The following TOX2 variants were observed in gnomAD, a reference collection of about 807,000 sequenced individuals.
TOX2 encodes the protein granulosa cell HMG box 1.
In TOX2, 15 loss-of-function variants were observed where a neutral mutation model predicts 47.4. That is an observed-to-expected ratio of 0.32 (90% CI 0.21 to 0.49). TOX2 has a LOEUF of 0.49. TOX2 is among the 20% of genes least tolerant of loss of function. TOX2 has a pLI of 0.99. For missense variants in TOX2, 622 were observed against 673.1 expected, an observed-to-expected ratio of 0.92 and a Z score of 0.84; for synonymous variants, 290 against 296.6, an observed-to-expected ratio of 0.98 and a Z score of 0.23.
intron 3 of TOX2, among the ~76,000 whole-genome samples, chr20:44,036,286 C>T (rs929022537): frequency 6.6e-6 from 1 of 152,218 alleles, no homozygotes; most frequent in Admixed American, 6.5e-5. Flanking sequence ...TGAGAGCACA[C>T]TGAGTAGGTG....
At chr20:44,020,383 G>A (rs375960826) in intron 3 of TOX2, among the ~76,000 whole-genome samples, 143 of 152,280 alleles carry the variant, frequency 9.4e-4, no homozygotes, top group African/African-American at 3.3e-3. Context: ...AGGTTGATAG[G>A]TGCAGCAAAC....
chr20:44,051,679 A>T lies in TOX2; in HGVS notation c.651+134A>T. On this transcript the variant is annotated intron_variant, in intron 4 of 8. Coordinates refer to ENST00000341197, the MANE Select transcript of TOX2 (RefSeq NM_001098797.2). ...ATGTCCCAAGGTCCCCGTAGGTGCC[A>T]TTCCCACTGAGCAGGCGTTCCTGGT... The T allele has an allele frequency of 8.2e-6, 11 of 1,343,812 alleles. No homozygotes were observed. The South Asian group carries it at 1.9e-4, about 23-fold the overall frequency. 83.2% of individuals were successfully genotyped at this position (1,343,812 alleles called of 1,614,324 possible).
At position 44,026,251 on chromosome 20, in the gene TOX2, A is replaced by ATATATATATAT. The variant is rs1244142038; in HGVS notation, c.411+19459_411+19460insTATATATATAT. On this transcript the variant is annotated intron_variant, in intron 3 of 8. Transcript: ENST00000341197. Reference sequence around the variant, plus strand: ...GTGATATATATATATATATATATAGACACACACACACACAATGGAATACTA... The same window carrying ATATATATATAT: ...GTGATATATATATATATATATATAGATATATATATATCACACACACACACAATGGAATACTA... 1.8e-4 allele frequency among the ~76,000 whole-genome samples: 12 copies of ATATATATATAT among 65,560 alleles called. 3 individuals carry two copies. The highest frequency in any genetic ancestry group is 3.9e-4 in the Non-Finnish European group (12 of 31,018). The allele number at this position is 65,560 out of a possible 152,430, so 43.0% of individuals were successfully genotyped here.
intron 2 of TOX2, among the ~76,000 whole-genome samples, chr20:43,997,696 C>T (rs915791205): frequency 5.3e-5 from 8 of 152,166 alleles, no homozygotes; most frequent in Non-Finnish European, 7.4e-5. Flanking sequence ...TTTCTACCAT[C>T]TTGAGTTGAG....
intron 2 of TOX2, among the ~76,000 whole-genome samples, chr20:43,989,737 G>A (rs868558119): frequency 8.0e-5 from 12 of 149,728 alleles, no homozygotes; most frequent in South Asian, 4.2e-4. Context: ...GCGAGATCAC[G>A]CCACTGAACT....
At chr20:43,961,158 C>T (rs2145428024) in intron 1 of TOX2, among the ~76,000 whole-genome samples, 1 of 152,368 alleles carries the variant, frequency 6.6e-6, no homozygotes, top group African/African-American at 2.4e-5. Context: ...CCAAGAGTGG[C>T]TATCAGCAAT....
intron 7 of TOX2, 141 bp from the exon 8 acceptor site, chr20:44,066,588 TG>T: frequency 1.5e-6 from 2 of 1,297,180 alleles, no homozygotes; most frequent in Non-Finnish European, 2.2e-6. Context: ...GGTGCTCTAC[TG>T]GGAGCAAGGC....
intron 2 of TOX2, among the ~76,000 whole-genome samples, chr20:43,983,033 G>A (rs1198305499): frequency 1.3e-5 from 2 of 151,886 alleles, no homozygotes; most frequent in Admixed American, 1.3e-4. Context: ...GTGCTCCCTG[G>A]GGAGCTCTCA....
At chr20:43,963,821 A>G (rs923171841) in intron 1 of TOX2, among the ~76,000 whole-genome samples, 4 of 152,206 alleles carry the variant, frequency 2.6e-5, no homozygotes, top group African/African-American at 9.7e-5. Context: ...CAAATTACAT[A>G]CAGTGGGCAC....
At chr20:44,033,296 C>G (rs2145694276) in intron 3 of TOX2, among the ~76,000 whole-genome samples, 1 of 152,050 alleles carries the variant, frequency 6.6e-6, no homozygotes, top group Non-Finnish European at 1.5e-5. Context: ...ACTTGAAGCC[C>G]CAGGACATCT....
At chr20:43,928,540 T>C (rs1263401928) in intron 1 of TOX2, among the ~76,000 whole-genome samples, 1 of 152,320 alleles carries the variant, frequency 6.6e-6, no homozygotes, top group Non-Finnish European at 1.5e-5. Context: ...AAGCACATCA[T>C]TGTGTTTTCT....
At chr20:43,945,063 T>A (rs936273842) in intron 1 of TOX2, among the ~76,000 whole-genome samples, 17 of 152,298 alleles carry the variant, frequency 1.1e-4, no homozygotes, top group Middle Eastern at 3.4e-3. Flanking sequence ...TTTGGCCTGA[T>A]GGCTTCAGAA....
chr20:43,921,647 GTTC>G (rs1275809551), intron 1 of TOX2, among the ~76,000 whole-genome samples: 7 of 151,898 alleles, frequency 4.6e-5, no homozygotes, highest in Non-Finnish European at 7.4e-5. Flanking sequence ...GCCCCGCCAT[GTTC>G]TTCTTCTTCT....
At chr20:44,065,485 T>C (rs2071796851) in intron 6 of TOX2, among the ~76,000 whole-genome samples, 1 of 152,174 alleles carries the variant, frequency 6.6e-6, no homozygotes, top group Non-Finnish European at 1.5e-5. Context: ...GGAGCATGGA[T>C]TCCCCCAAGG....
At chr20:44,041,062 C>T (rs1390324442) in intron 3 of TOX2, among the ~76,000 whole-genome samples, 3 of 152,094 alleles carry the variant, frequency 2.0e-5, no homozygotes, top group African/African-American at 7.2e-5. Context: ...TCAGGGATTG[C>T]AAGGGAAGGG....
chr20:43,992,864 A>AG (rs35388659), intron 2 of TOX2, among the ~76,000 whole-genome samples: 1 of 112,418 alleles, frequency 8.9e-6, no homozygotes, highest in African/African-American at 2.8e-5. Flanking sequence ...AAAAAAAAAA[A>AG]AAGAAAAAAT....
intron 1 of TOX2, among the ~76,000 whole-genome samples, chr20:43,966,007 T>A (rs1569042367): frequency 6.6e-6 from 1 of 152,210 alleles, no homozygotes; most frequent in Non-Finnish European, 1.5e-5. Flanking sequence ...TGATATATCA[T>A]AACAATGATA....
chr20:44,013,012 C>A (rs2070806138), intron 3 of TOX2, among the ~76,000 whole-genome samples: 1 of 152,180 alleles, frequency 6.6e-6, no homozygotes, highest in Non-Finnish European at 1.5e-5. Flanking sequence ...GGGGAAGGGG[C>A]TGAGCTGTAC....
At position 43,916,600 on chromosome 20, in the gene TOX2, A is replaced by T. The variant is rs192468769; in HGVS notation, c.99+1610A>T. ...GCTGCCTCCAGTCTGATGGAGGAAA[A>T]TAGATTAAAAGTAGCAAGTGGAGTT... On this transcript the variant is annotated intron_variant, in intron 1 of 8. Coordinates refer to ENST00000341197, the MANE Select transcript of TOX2 (RefSeq NM_001098797.2). This position sits in a 1 kb window ranked among gnomAD's most constrained non-coding sequence, Gnocchi z 5.0. 5.9e-5 allele frequency among the ~76,000 whole-genome samples: 9 copies of T among 152,352 alleles called. No homozygotes were observed. The highest frequency in any genetic ancestry group is 2.2e-4 in the African/African-American group (9 of 41,590).
Sources: allele counts gnomAD v4.1 joint callset (sites outside exome capture counted in the v4.1 genomes callset), GRCh38; gene constraint gnomAD v4.1.1; non-coding constraint Gnocchi (gnomAD v3.1); transcripts MANE v1.5; gene names NCBI Gene and HGNC (gene_info 2026-07-23, HGNC 2026-07-21).